CASS4: variants seen among roughly 807,000 people sequenced by gnomAD.
CASS4 encodes Cas scaffold protein family member 4, also known as cas scaffolding protein family member 4.
CASS4 carries 22 observed loss-of-function variants against 54.2 expected under a neutral mutation model. The observed-to-expected ratio is 0.41, with a 90% confidence interval of 0.29 to 0.58. The LOEUF (loss-of-function observed/expected upper bound fraction) is 0.58, where lower values mean the gene tolerates loss of function less well. Among genes scored for constraint, CASS4 ranks in the 20% least tolerant of loss-of-function variants. The pLI is 0.36. For missense variants in CASS4, 854 were observed against 986.7 expected (o/e 0.87, Z 1.80); for synonymous variants, 409 against 391.5 (o/e 1.04, Z -0.53).
At chr20:56,444,060 G>A (rs923233067) in intron 2 of CASS4, among the ~76,000 whole-genome samples, 7 of 152,156 alleles carry the variant, frequency 4.6e-5, no homozygotes, top group African/African-American at 1.4e-4. Context: ...CATCCTGTTC[G>A]CATTGCGGCT....
At position 56,452,547 on chromosome 20, in the gene CASS4, C is replaced by T; in HGVS notation, c.1371C>T (p.Gly457=). The change falls in exon 5 of 6, where the codon GGC becomes GGT. Residue 457 remains glycine (G), a synonymous_variant. Coordinates refer to ENST00000679887, the MANE Select transcript of CASS4 (RefSeq NM_020356.4). ...ACAAGGTGGTCAGCTCTGTCGCTGG[C>T]CTGATGCTCTTTGTCAGCAGGAAGT... The part of the protein sequence containing the change: ...LQHKVVSSVA[G]LMLFVSRKWR... 1 of 1,614,158 alleles carries T rather than the reference C, an allele frequency of 6.2e-7. No homozygotes were observed. The highest frequency in any genetic ancestry group is 8.5e-7 in the Non-Finnish European group (1 of 1,180,008).
At chr20:56,448,089 C>T (rs1980811863) in intron 3 of CASS4, among the ~76,000 whole-genome samples, 1 of 149,128 alleles carries the variant, frequency 6.7e-6, no homozygotes, top group Non-Finnish European at 1.5e-5. Context: ...TTGCAGTGAG[C>T]AGAGATCGCG....
chr20:56,419,083 G>A (rs1979288957), intron 1 of CASS4, among the ~76,000 whole-genome samples: 1 of 152,086 alleles, frequency 6.6e-6, no homozygotes, highest in East Asian at 1.9e-4. Context: ...TGGCCGACAC[G>A]ATAATGGAAT....
intron 1 of CASS4, among the ~76,000 whole-genome samples, chr20:56,432,429 G>T (rs1049570951): frequency 7.0e-6 from 1 of 142,298 alleles, no homozygotes; most frequent in African/African-American, 2.6e-5. Flanking sequence ...GTGCAGTGGC[G>T]CGATCTTGGC....
chr20:56,430,515 A>G lies in CASS4; in HGVS notation c.37-6649A>G, dbSNP rs1979853651. 6.6e-6 allele frequency among the ~76,000 whole-genome samples: 1 copy of G among 152,218 alleles called. No homozygotes were observed. Among genetic ancestry groups the G allele is most frequent in the Non-Finnish European group, 1.5e-5 (1 of 68,036 alleles). On this transcript the variant is annotated intron_variant, in intron 1 of 5. Transcript: ENST00000679887. The surrounding 1 kb of genome is among the most constrained non-coding windows in gnomAD (Gnocchi z 4.2). ...TTTCCAAATTAACACTCTATTTAAG[A>G]ATACCTTGTGAGTGGCCTCAGCAAC... is the stretch of plus-strand genomic sequence containing the variant.
chr20:56,450,560 G>T (rs1244722272), intron 3 of CASS4, 39 bp from the exon 4 acceptor site: 1 of 1,585,470 alleles, frequency 6.3e-7, no homozygotes. Context: ...CATTAGGAAA[G>T]AAACATTCAA....
chr20:56,456,379 TC>T (rs1981297213), intron 5 of CASS4, among the ~76,000 whole-genome samples: 1 of 90,832 alleles, frequency 1.1e-5, no homozygotes, highest in South Asian at 4.0e-4. Flanking sequence ...TCTAAACTCT[TC>T]TTTTTTTTTT....
At chr20:56,454,310 T>C (rs1981183659) in intron 5 of CASS4, among the ~76,000 whole-genome samples, 1 of 152,248 alleles carries the variant, frequency 6.6e-6, no homozygotes, top group Non-Finnish European at 1.5e-5. Context: ...ACTTGGGGGC[T>C]GTGTCAAGGA....
intron 1 of CASS4, among the ~76,000 whole-genome samples, chr20:56,425,073 G>A (rs1385704263): frequency 5.9e-5 from 9 of 152,180 alleles, no homozygotes; most frequent in Non-Finnish European, 1.0e-4. Context: ...CTTTGGCCTT[G>A]GGGAACATGT....
At chr20:56,445,798 A>G (rs2146289315) in intron 2 of CASS4, 102 bp from the exon 3 acceptor site, 1 of 881,426 alleles carries the variant, frequency 1.1e-6, no homozygotes. Flanking sequence ...CTTCAGCAGT[A>G]TCCACCCAGC....
chr20:56,420,484 G>T (rs1260337544), intron 1 of CASS4, among the ~76,000 whole-genome samples: 1 of 152,006 alleles, frequency 6.6e-6, no homozygotes, highest in Non-Finnish European at 1.5e-5. Flanking sequence ...AAACTCCTGG[G>T]CTCAAGCAAT....
rs111302501 is a variant in CASS4 at position 56,412,273 on chromosome 20, T to C, written c.-186T>C. The C allele has an allele frequency of 1.3e-3, 814 of 649,682 alleles. 6 individuals carry two copies. Among genetic ancestry groups the C allele is most frequent in the African/African-American group, 0.012 (678 of 54,550 alleles). 40.2% of individuals were successfully genotyped at this position (649,682 alleles called of 1,614,324 possible). A position where few individuals can be genotyped will look rare whatever the true frequency, so the allele number is the denominator to read the frequency against. ...CTTCACTGCTTTCATTTTACTCTTA[T>C]CGTGCTTTCCAGAAAGTTTGCCTGC... On this transcript the variant is annotated 5_prime_UTR_variant, in exon 1 of 6. Transcript: ENST00000679887. This position sits in a 1 kb window ranked among gnomAD's most constrained non-coding sequence, Gnocchi z 4.2.
intron 1 of CASS4, among the ~76,000 whole-genome samples, chr20:56,413,306 A>G (rs1198376652): frequency 6.6e-6 from 1 of 152,170 alleles, no homozygotes; most frequent in East Asian, 1.9e-4. Context: ...TAGAACAGGA[A>G]AAAAGAAATG....
chr20:56,458,813 T>C lies in CASS4; in HGVS notation c.*66T>C. 1 of 1,444,502 alleles carries C rather than the reference T, an allele frequency of 6.9e-7. No homozygotes were observed. The highest frequency in any genetic ancestry group is 9.3e-7 in the Non-Finnish European group (1 of 1,079,044). 89.5% of individuals were successfully genotyped at this position (1,444,502 alleles called of 1,614,324 possible). ...TTCACACCCACAACTTGTGCAACTC[T>C]GCCCTATGGGAAAAGCCAGCCGGGG... On this transcript the variant is annotated 3_prime_UTR_variant, in exon 6 of 6. Coordinates refer to ENST00000679887, the MANE Select transcript of CASS4 (RefSeq NM_020356.4).
chr20:56,445,846 G>A, intron 2 of CASS4, 54 bp from the exon 3 acceptor site: 1 of 1,372,014 alleles, frequency 7.3e-7, no homozygotes. Flanking sequence ...GAACCTGATT[G>A]TGATCATCAG....
intron 3 of CASS4, among the ~76,000 whole-genome samples, chr20:56,447,870 C>T (rs1275475503): frequency 3.9e-5 from 6 of 152,128 alleles, no homozygotes; most frequent in Admixed American, 1.3e-4. Flanking sequence ...GGGCCGGGCG[C>T]GGTGGCTCAC....
chr20:56,430,071 C>T lies in CASS4; in HGVS notation c.37-7093C>T, dbSNP rs566745341. Among the ~76,000 whole-genome samples, 61 of 152,328 alleles carry T rather than the reference C, an allele frequency of 4.0e-4. No homozygotes were observed. Among genetic ancestry groups the T allele is most frequent in the African/African-American group, 1.3e-3 (52 of 41,560 alleles). Reference sequence around the variant, plus strand: ...CCTCCAGCAGAGCCCCTGGAATACACGTGATGCTCAATACAATCTTGGTGA... The same window carrying T: ...CCTCCAGCAGAGCCCCTGGAATACATGTGATGCTCAATACAATCTTGGTGA... On this transcript the variant is annotated intron_variant, in intron 1 of 5. Transcript: ENST00000679887. The surrounding 1 kb of genome is among the most constrained non-coding windows in gnomAD (Gnocchi z 4.2).
In CASS4 at chr20:56,458,484, G is replaced by A. The variant is rs756117582; in HGVS notation, c.2098G>A (p.Ala700Thr). 2.2e-5 allele frequency: 35 copies of A among 1,614,128 alleles called. No individual in the cohort carries two copies. Among genetic ancestry groups the A allele is most frequent in the Non-Finnish European group, 2.9e-5 (34 of 1,180,014 alleles). Residue 700 changes from alanine (A) to threonine (T), a missense_variant, in exon 6 of 6, where the codon GCG becomes ACG. By Grantham distance (58) the Ala-to-Thr change is moderately conservative. Transcript: ENST00000679887. ...CGGCAGCCTCAGCAGCAGCCAGCCCGCGGAGATCATCACTCAGAGCAAGCT... is the reference window on the plus strand; with the variant it reads ...CGGCAGCCTCAGCAGCAGCCAGCCCACGGAGATCATCACTCAGAGCAAGCT... ...FHGSLSSSQP[A>T]EIITQSKLVI...
chr20:56,457,261 G>A (rs1271432979), intron 5 of CASS4, among the ~76,000 whole-genome samples: 2 of 152,112 alleles, frequency 1.3e-5, no homozygotes, highest in Non-Finnish European at 2.9e-5. Flanking sequence ...AGGTAAATGC[G>A]AGCGTGTGAA....
Sources: gnomAD v4.1 joint callset for allele counts (sites outside exome capture counted in the v4.1 genomes callset) on GRCh38, gnomAD v4.1.1 for gene constraint, Gnocchi (gnomAD v3.1) non-coding constraint, MANE v1.5 for transcripts, NCBI Gene and HGNC (gene_info 2026-07-23, HGNC 2026-07-21) for gene names.